The following DEPDC5 variants were observed in gnomAD, a reference collection of about 807,000 sequenced individuals.
The protein encoded by DEPDC5 is DEP domain containing 5, GATOR1 subcomplex subunit.
Under a neutral mutation model 217.3 loss-of-function variants are expected in DEPDC5, and 73 were observed. The ratio of observed to expected loss-of-function variants is 0.34; its 90% CI spans 0.28 to 0.41. The LOEUF is 0.41. Ranked by LOEUF, DEPDC5 falls within the 10% of genes least tolerant of loss-of-function variation. The pLI is 1.00. For synonymous variants in DEPDC5, 733 were observed against 756.7 expected, an observed-to-expected ratio of 0.97 and a Z score of 0.51; for missense variants, 1,675 against 2,070.1, an observed-to-expected ratio of 0.81 and a Z score of 3.70.
intron 31 of DEPDC5, among the ~76,000 whole-genome samples, chr22:31,848,193 C>T (rs1291911275): frequency 2.0e-5 from 3 of 152,250 alleles, no homozygotes; most frequent in South Asian, 2.1e-4. Context: ...GCTGCTTTTA[C>T]GGCCTGGTGT....
chr22:31,879,805 G>A, intron 38 of DEPDC5, 53 bp downstream of exon 38: 1 of 1,521,162 alleles, frequency 6.6e-7, no homozygotes, highest in African/African-American at 1.4e-5. Flanking sequence ...GTGGCTGCGG[G>A]AAAGTAGTGG....
At chr22:31,905,275 C>A (rs565432321) in intron 41 of DEPDC5, among the ~76,000 whole-genome samples, 4 of 151,686 alleles carry the variant, frequency 2.6e-5, no homozygotes, top group Admixed American at 2.0e-4. Flanking sequence ...CTCCGCCTCC[C>A]GGATTCAAGT....
At position 31,819,067 on chromosome 22, in the gene DEPDC5, C is replaced by T; in HGVS notation, c.1712C>T (p.Ala571Val). Residue 571 changes from alanine (A) to valine (V), a missense_variant, in exon 22 of 43, where the codon GCA (alanine) becomes GTA (valine). Coordinates refer to ENST00000651528, the MANE Select transcript of DEPDC5 (RefSeq NM_001242896.3). ...MMEPPQRDSS[A>V]PGRFHVGSAE... Reference sequence around the variant, plus strand: ...GAGCCACCACAGCGAGACTCCAGTGCACCAGGGAGGTTTCACGTTGGCAGT... The same window carrying T: ...GAGCCACCACAGCGAGACTCCAGTGTACCAGGGAGGTTTCACGTTGGCAGT... The T allele has an allele frequency of 1.9e-6, 3 of 1,614,192 alleles. No individual in the cohort carries two copies. Among genetic ancestry groups the T allele is most frequent in the Non-Finnish European group, 2.5e-6 (3 of 1,180,032 alleles).
chr22:31,784,243 G>A, intron 9 of DEPDC5: 1 of 280,484 alleles, frequency 3.6e-6, no homozygotes, highest in Non-Finnish European at 6.6e-6. Context: ...TATTAAATTT[G>A]GCTTCAAAAA....
chr22:31,812,946 G>C (rs983028420), intron 20 of DEPDC5, among the ~76,000 whole-genome samples: 13 of 151,936 alleles, frequency 8.6e-5, no homozygotes, highest in Non-Finnish European at 1.9e-4. Context: ...CTCAGTGTTG[G>C]TCAGGCTGGT....
chr22:31,810,157 A>G (rs1361148879), intron 19 of DEPDC5, among the ~76,000 whole-genome samples: 1 of 152,104 alleles, frequency 6.6e-6, no homozygotes, highest in African/African-American at 2.4e-5. Flanking sequence ...TTTCTTTTCC[A>G]TAGGCCATTT....
chr22:31,767,164 T>C (rs1181158404), intron 6 of DEPDC5, among the ~76,000 whole-genome samples: 1 of 151,382 alleles, frequency 6.6e-6, no homozygotes, highest in East Asian at 1.9e-4. Context: ...TTTTCTGAGA[T>C]GGAGTTTCGC....
intron 18 of DEPDC5, among the ~76,000 whole-genome samples, chr22:31,807,622 A>G (rs2087712724): frequency 6.6e-6 from 1 of 152,128 alleles, no homozygotes; most frequent in Non-Finnish European, 1.5e-5. Context: ...TAGTGGAGAC[A>G]GGGTTTCACA....
intron 31 of DEPDC5, among the ~76,000 whole-genome samples, chr22:31,853,971 G>C (rs138529563): frequency 1.3e-5 from 2 of 152,222 alleles, no homozygotes; most frequent in Admixed American, 6.5e-5. Context: ...GGGCGTCTGC[G>C]TGCTTTTACC....
At chr22:31,756,351 C>G (rs1054213303) in intron 2 of DEPDC5, among the ~76,000 whole-genome samples, 2 of 152,170 alleles carry the variant, frequency 1.3e-5, no homozygotes, top group Non-Finnish European at 2.9e-5. Flanking sequence ...GAGTGTTAGA[C>G]TCTGTGCTCA....
chr22:31,904,608 T>G (rs967812550), intron 41 of DEPDC5, among the ~76,000 whole-genome samples: 2 of 152,146 alleles, frequency 1.3e-5, no homozygotes, highest in Non-Finnish European at 2.9e-5. Flanking sequence ...CTGGTCATGG[T>G]GGCGCGTGCC....
chr22:31,828,439 C>G (rs1201102726), intron 24 of DEPDC5, among the ~76,000 whole-genome samples: 1 of 71,774 alleles, frequency 1.4e-5, no homozygotes, highest in Non-Finnish European at 2.4e-5. Flanking sequence ...GCAACAAGAG[C>G]AAAACTCCGT....
At chr22:31,775,808 A>G (rs987209707) in intron 7 of DEPDC5, among the ~76,000 whole-genome samples, 3 of 151,932 alleles carry the variant, frequency 2.0e-5, no homozygotes, top group African/African-American at 7.2e-5. Context: ...TTGGGAGGCC[A>G]AGGCGGGCGG....
Position 31,793,565 on chromosome 22 carries a change from GTTATTA to G in DEPDC5, c.767+763_767+768del, listed in dbSNP as rs553293912. Among the ~76,000 whole-genome samples, 379 of 151,328 alleles carry G rather than the reference GTTATTA, an allele frequency of 2.5e-3. 4 individuals carry two copies. The highest frequency in any genetic ancestry group is 8.8e-3 in the African/African-American group (362 of 41,236). ...CCACAATATCATGATCATGTTTAAC[GTTATTA>G]TTATTATTATTATTTTTTGAGACAC... On this transcript the variant is annotated intron_variant, in intron 12 of 42. Transcript: ENST00000651528.
At chr22:31,789,749 T>C (rs535154903) in intron 10 of DEPDC5, among the ~76,000 whole-genome samples, 78 of 152,208 alleles carry the variant, frequency 5.1e-4, no homozygotes, top group Admixed American at 1.6e-3. Flanking sequence ...GGGTTTTAAA[T>C]GATCTCATCA....
chr22:31,876,959 C>T (rs1029685773), intron 37 of DEPDC5, among the ~76,000 whole-genome samples: 4 of 151,988 alleles, frequency 2.6e-5, no homozygotes, highest in South Asian at 2.1e-4. Context: ...TCAAGACCAA[C>T]ATTGGGAAAC....
chr22:31,849,994 C>G (rs1167133108), intron 31 of DEPDC5, among the ~76,000 whole-genome samples: 2 of 151,868 alleles, frequency 1.3e-5, no homozygotes, highest in South Asian at 4.2e-4. Context: ...TGGCGCATGC[C>G]TGTAATCAAA....
At position 31,833,914 on chromosome 22, in the gene DEPDC5, G is replaced by A. The variant is rs781125997; in HGVS notation, c.2105-1G>A. 2 of 1,572,050 alleles carry A rather than the reference G, an allele frequency of 1.3e-6. No individual in the cohort carries two copies. The highest frequency in any genetic ancestry group is 1.8e-5 in the Admixed American group (1 of 55,008). ...GACAAGCTGTTTTTATCTTTCCATA[G>A]GTATGAATCCTAGGACCCAGAATAA... On this transcript the variant is annotated splice_acceptor_variant, in intron 24 of 42. Transcript: ENST00000651528. LOFTEE classifies it high-confidence loss of function.
At chr22:31,855,477 C>T (rs1335232234) in intron 31 of DEPDC5, among the ~76,000 whole-genome samples, 4 of 150,618 alleles carry the variant, frequency 2.7e-5, no homozygotes, top group East Asian at 2.0e-4. Flanking sequence ...CCCAGGTTCA[C>T]GCCATTCTCC....
Sources: allele counts gnomAD v4.1 joint callset (sites outside exome capture counted in the v4.1 genomes callset), GRCh38; gene constraint gnomAD v4.1.1; transcripts MANE v1.5; gene names NCBI Gene and HGNC (gene_info 2026-07-23, HGNC 2026-07-21).